SLCO1A2: variants seen among roughly 807,000 people sequenced by gnomAD.
SLCO1A2 encodes the protein OATP-1.
A neutral mutation model predicts 69.0 loss-of-function variants in SLCO1A2; 67 were observed. The observed-to-expected ratio is 0.97, with a 90% CI of 0.80 to 1.19. The LOEUF is 1.19. Ranked by LOEUF, SLCO1A2 falls within the 50% of genes most tolerant of loss-of-function variation. The probability of loss-of-function intolerance (pLI) is 0.00; values close to 1 mark genes in which losing one functional copy is unlikely to be tolerated. For missense variants in SLCO1A2, 787 were observed against 793.7 expected (o/e 0.99, Z 0.10); for synonymous variants, 260 against 265.9 (o/e 0.98, Z 0.22).
chr12:21,294,203 C>A, intron 10 of SLCO1A2, 93 bp from the exon 11 acceptor site: 1 of 1,014,212 alleles, frequency 9.9e-7, no homozygotes, highest in East Asian at 2.8e-5. Context: ...GATTTCCTCT[C>A]CTCCCATGAA....
At chr12:21,315,655 T>C (rs1005590685) in intron 3 of SLCO1A2, among the ~76,000 whole-genome samples, 3 of 152,206 alleles carry the variant, frequency 2.0e-5, no homozygotes, top group Non-Finnish European at 4.4e-5. Context: ...GTGTAGAAGA[T>C]ATGTCCATTT....
intron 13 of SLCO1A2, chr12:21,275,091 T>A: frequency 9.5e-7 from 1 of 1,049,806 alleles, no homozygotes; most frequent in Non-Finnish European, 1.2e-6. Context: ...TTATCTAGTA[T>A]TTAATATTGT....
chr12:21,320,122 A>G (rs1222833932), intron 2 of SLCO1A2, among the ~76,000 whole-genome samples: 1 of 152,070 alleles, frequency 6.6e-6, no homozygotes, highest in African/African-American at 2.4e-5. Context: ...TTGACCTACT[A>G]TTTACCTAGC....
chr12:21,376,926 C>A (rs1222111232), intron 1 of SLCO1A2, among the ~76,000 whole-genome samples: 4 of 152,064 alleles, frequency 2.6e-5, no homozygotes, highest in Non-Finnish European at 5.9e-5. Flanking sequence ...CTCTAACTTT[C>A]CTAATAATCA....
intron 1 of SLCO1A2, among the ~76,000 whole-genome samples, chr12:21,414,049 C>T: frequency 6.7e-6 from 1 of 149,544 alleles, no homozygotes; most frequent in East Asian, 2.0e-4. Context: ...CTGTACTGCA[C>T]ATAGGCACAT....
rs147307790 is a variant in SLCO1A2 at position 21,279,684 on chromosome 12, A to G, written c.1611-4260T>C. Among the ~76,000 whole-genome samples, 34 of 152,334 alleles carry G rather than the reference A, an allele frequency of 2.2e-4. 1 individual carries two copies. In the East Asian group the frequency reaches 6.4e-3, roughly 29 times the overall value. ...GATTTCATCAATACCAGCCCATGCT[A>G]TAAGAAATGCTAAAGGGAGTACTTC... On this transcript the variant is annotated intron_variant, in intron 12 of 14. Transcript: ENST00000683939.
intron 7 of SLCO1A2, 107 bp downstream of exon 7, chr12:21,301,064 A>G (rs1948650354): frequency 1.7e-6 from 1 of 572,020 alleles, no homozygotes; most frequent in Admixed American, 3.8e-5. Flanking sequence ...TAAAGTAGAG[A>G]TCATTTATCA....
intron 5 of SLCO1A2, among the ~76,000 whole-genome samples, chr12:21,306,467 AG>A (rs1260611217): frequency 6.6e-6 from 1 of 152,094 alleles, no homozygotes; most frequent in Non-Finnish European, 1.5e-5. Context: ...CTGGGATTAC[AG>A]GTGCCCGCTA....
intron 2 of SLCO1A2, among the ~76,000 whole-genome samples, chr12:21,359,402 A>G (rs1591878117): frequency 6.7e-6 from 1 of 149,172 alleles, no homozygotes; most frequent in African/African-American, 2.5e-5. Context: ...AACATTAGTG[A>G]AAAAAAAAAC....
intron 13 of SLCO1A2, 113 bp downstream of exon 13, chr12:21,275,247 A>G (rs543329774): frequency 1.1e-4 from 108 of 987,504 alleles, no homozygotes; most frequent in African/African-American, 5.5e-4. Flanking sequence ...ACATGTATAC[A>G]TATGTAACAA....
rs1405856355 is a variant in SLCO1A2 at position 21,318,334 on chromosome 12, T to C, written c.202+448A>G. 4.6e-5 allele frequency among the ~76,000 whole-genome samples: 7 copies of C among 152,214 alleles called. No individual in the cohort carries two copies. The East Asian group carries it at 1.4e-3, about 29-fold the overall frequency. On this transcript the variant is annotated intron_variant, in intron 3 of 14. Transcript: ENST00000683939. ...CGGGGTTTCACCATGTTAGCCAGGA[T>C]GGTCTCGATCTCCTGACCTCGTGAT...
chr12:21,357,958 T>C (rs1191811142), intron 2 of SLCO1A2, among the ~76,000 whole-genome samples: 2 of 152,110 alleles, frequency 1.3e-5, no homozygotes, highest in African/African-American at 4.8e-5. Flanking sequence ...AAGCTCTAAG[T>C]GAGAGGGCAC....
intron 1 of SLCO1A2, among the ~76,000 whole-genome samples, chr12:21,412,724 TGAAGG>T (rs1941928277): frequency 6.6e-6 from 1 of 152,136 alleles, no homozygotes; most frequent in Non-Finnish European, 1.5e-5. Context: ...AGTGTTAAAG[TGAAGG>T]CCTCAGGTTC....
intron 6 of SLCO1A2, among the ~76,000 whole-genome samples, chr12:21,302,574 G>A (rs571960840): frequency 2.8e-5 from 4 of 141,558 alleles, no homozygotes; most frequent in African/African-American, 1.1e-4. Flanking sequence ...TTTTTGAGAT[G>A]GAGTTTCACT....
At chr12:21,411,290 TTTA>T (rs1941902711) in intron 1 of SLCO1A2, among the ~76,000 whole-genome samples, 4 of 152,180 alleles carry the variant, frequency 2.6e-5, no homozygotes, top group African/African-American at 9.7e-5. Context: ...CTACCTGGAG[TTTA>T]TTTTTTGTAT....
intron 2 of SLCO1A2, among the ~76,000 whole-genome samples, chr12:21,345,961 C>T (rs1187460704): frequency 1.3e-5 from 2 of 151,316 alleles, no homozygotes; most frequent in African/African-American, 2.4e-5. Context: ...TTAATATAGT[C>T]GAGTATAAAT....
rs778950689 is a variant in SLCO1A2 at position 21,292,153 on chromosome 12, T to C, written c.1610+11A>G. ...CCCAAAAAAATATAAATAAAGAAAA[T>C]AATTTTGTACCTCAAGAGAACCATA... On this transcript the variant is annotated intron_variant, in intron 12 of 14. Coordinates refer to ENST00000683939, the MANE Select transcript of SLCO1A2 (RefSeq NM_001386879.1). 7.9e-6 allele frequency: 12 copies of C among 1,522,118 alleles called. No individual in the cohort carries two copies. Among genetic ancestry groups the C allele is most frequent in the Non-Finnish European group, 8.8e-7 (1 of 1,138,190 alleles). 94.3% of individuals were successfully genotyped at this position (1,522,118 alleles called of 1,614,324 possible).
chr12:21,373,360 C>A, intron 2 of SLCO1A2: 3 of 1,612,148 alleles, frequency 1.9e-6, no homozygotes, highest in Non-Finnish European at 2.5e-6. Flanking sequence ...CAATGGGCAT[C>A]CTGAAGCTGC....
At chr12:21,319,559 A>G (rs904077227) in intron 2 of SLCO1A2, 1 of 976,638 alleles carries the variant, frequency 1.0e-6, no homozygotes, top group Non-Finnish European at 1.4e-6. Flanking sequence ...CCCAGGACAG[A>G]GTATTTTCAG....
Sources: gnomAD v4.1 joint callset for allele counts (sites outside exome capture counted in the v4.1 genomes callset) on GRCh38, gnomAD v4.1.1 for gene constraint, MANE v1.5 for transcripts, NCBI Gene and HGNC (gene_info 2026-07-23, HGNC 2026-07-21) for gene names.